Variants in FRMD6 observed in about 807,000 individuals in gnomAD.
The protein encoded by FRMD6 is FERM domain containing 6, also known as FERM domain-containing protein 6.
A neutral mutation model predicts 73.2 loss-of-function variants in FRMD6; 37 were observed. The ratio of observed to expected loss-of-function variants is 0.51; its 90% CI spans 0.39 to 0.66. The LOEUF is 0.66. FRMD6 is among the 30% of genes least tolerant of loss of function. FRMD6 has a pLI of 0.00. For synonymous variants in FRMD6, 273 were observed against 282.2 expected (o/e 0.97, Z 0.33); for missense variants, 714 against 780.5 (o/e 0.91, Z 1.02).
intron 2 of FRMD6, among the ~76,000 whole-genome samples, chr14:51,605,318 G>A (rs1890211854): frequency 6.6e-6 from 1 of 151,934 alleles, no homozygotes; most frequent in Admixed American, 6.6e-5. Flanking sequence ...GGGTACTTGA[G>A]ATTAGGGAGT....
chr14:51,436,404 G>A, the FRMD6 span: 10 of 470,222 alleles, frequency 2.1e-5, no homozygotes, highest in African/African-American at 1.0e-4. Flanking sequence ...GACCAGAGTC[G>A]AAGTGATGGA....
Position 51,708,130 on chromosome 14 carries a change from A to G in FRMD6, c.611A>G (p.His204Arg). The change falls in exon 7 of 14, where the codon CAC (histidine) becomes CGC (arginine). Residue 204 changes from histidine to arginine, a missense_variant. Coordinates refer to ENST00000344768, the MANE Select transcript of FRMD6 (RefSeq NM_001267046.2). ...DYILKHIPNM[H>R]KDQFALTASE... ...ATCCTGAAGCACATTCCAAACATGC[A>G]CAAAGATCAGTTTGCACTAACAGCT... 2 of 1,613,384 alleles carry G rather than the reference A, an allele frequency of 1.2e-6. No individual in the cohort carries two copies. Among genetic ancestry groups the G allele is most frequent in the Non-Finnish European group, 1.7e-6 (2 of 1,179,504 alleles).
At chr14:51,567,530 G>A (rs1448365918) in intron 1 of FRMD6, among the ~76,000 whole-genome samples, 2 of 152,184 alleles carry the variant, frequency 1.3e-5, no homozygotes, top group Non-Finnish European at 2.9e-5. Context: ...TGTAGAGACA[G>A]TATCTTGCTA....
At chr14:51,689,668 T>C (rs1386916964) in intron 1 of FRMD6, 23 bp from the exon 2 acceptor site, 7 of 611,998 alleles carry the variant, frequency 1.1e-5, no homozygotes, top group African/African-American at 1.9e-5. Flanking sequence ...TCTTCAGGAG[T>C]CTCCCCTTTG....
chr14:51,702,352 A>G (rs943541195), intron 4 of FRMD6, among the ~76,000 whole-genome samples, 160 bp from the exon 5 acceptor site: 3 of 152,010 alleles, frequency 2.0e-5, no homozygotes, highest in Admixed American at 6.6e-5. Flanking sequence ...TCTATATAGG[A>G]CAACTGTCTA....
At chr14:51,504,960 T>C (rs147451746) in intron 1 of FRMD6, among the ~76,000 whole-genome samples, 40 of 152,322 alleles carry the variant, frequency 2.6e-4, no homozygotes, top group African/African-American at 8.9e-4. Context: ...CATGCTCCTA[T>C]TCCTTCTCAG....
the FRMD6 span, among the ~76,000 whole-genome samples, chr14:51,465,802 T>A: frequency 5.3e-5 from 8 of 152,248 alleles, no homozygotes; most frequent in East Asian, 1.5e-3. Context: ...TTTTTTTTTT[T>A]ATTGGCAAAT....
intron 1 of FRMD6, among the ~76,000 whole-genome samples, chr14:51,569,278 T>C (rs1262385159): frequency 6.6e-6 from 1 of 152,064 alleles, no homozygotes; most frequent in African/African-American, 2.4e-5. Context: ...AAGAAATAAA[T>C]TGTCAAATAA....
intron 2 of FRMD6, among the ~76,000 whole-genome samples, chr14:51,584,740 T>A (rs1266342580): frequency 2.0e-5 from 3 of 152,214 alleles, no homozygotes; most frequent in African/African-American, 7.2e-5. Context: ...CTTTTCTTAG[T>A]TTCTTTCGCT....
chr14:51,662,144 T>G (rs941611036), intron 1 of FRMD6, among the ~76,000 whole-genome samples: 2 of 152,230 alleles, frequency 1.3e-5, no homozygotes, highest in Non-Finnish European at 2.9e-5. Flanking sequence ...TTAAAGACTT[T>G]TTCATTTCTA....
chr14:51,588,077 T>A (rs1889158345), intron 2 of FRMD6, among the ~76,000 whole-genome samples: 1 of 152,098 alleles, frequency 6.6e-6, no homozygotes, highest in Non-Finnish European at 1.5e-5. Context: ...TATTCTCTCT[T>A]GTAATTTTTT....
At chr14:51,705,069 T>G in intron 6 of FRMD6, 134 bp downstream of exon 6, 1 of 720,576 alleles carries the variant, frequency 1.4e-6, no homozygotes, top group Non-Finnish European at 2.2e-6. Context: ...CCCAGATATT[T>G]AATGCTTAAG....
In FRMD6 at chr14:51,711,528, C is replaced by T. The variant is rs896476444; in HGVS notation, c.715-3C>T. 2 of 1,584,596 alleles carry T rather than the reference C, an allele frequency of 1.3e-6. No homozygotes were observed. Among genetic ancestry groups the T allele is most frequent in the South Asian group, 1.1e-5 (1 of 88,852 alleles). ...AATTTTTTATAAAATCCTATTCCTA[C>T]AGGATAAAAGGGAAATTGAAGCATC... On this transcript the variant is annotated splice_polypyrimidine_tract_variant and splice_region_variant and intron_variant, in intron 7 of 13. Coordinates refer to ENST00000344768, the MANE Select transcript of FRMD6 (RefSeq NM_001267046.2).
chr14:51,691,143 C>T (rs931686971), intron 2 of FRMD6, among the ~76,000 whole-genome samples: 7 of 152,146 alleles, frequency 4.6e-5, no homozygotes, highest in African/African-American at 1.7e-4. Context: ...TTCTTTTACT[C>T]AACATTTGTC....
chr14:51,413,555 A>G, the FRMD6 span, among the ~76,000 whole-genome samples: 113 of 152,264 alleles, frequency 7.4e-4, 1 homozygote, highest in African/African-American at 2.5e-3. Flanking sequence ...AATCCAGTCT[A>G]TCATTGATGG....
intron 4 of FRMD6, 67 bp from the exon 5 acceptor site, chr14:51,702,445 T>A (rs998191940): frequency 1.0e-5 from 13 of 1,259,410 alleles, no homozygotes; most frequent in Non-Finnish European, 1.5e-5. Flanking sequence ...GTATTTTGGT[T>A]GCTTTTGAAA....
At chr14:51,573,326 A>C (rs1402291787) in intron 2 of FRMD6, among the ~76,000 whole-genome samples, 1 of 152,162 alleles carries the variant, frequency 6.6e-6, no homozygotes, top group African/African-American at 2.4e-5. Flanking sequence ...TGGAATTCTG[A>C]GGAGACCACT....
intron 1 of FRMD6, chr14:51,546,709 A>G (rs1204101588): frequency 6.6e-6 from 1 of 152,034 alleles, no homozygotes; most frequent in Admixed American, 6.6e-5. Context: ...GTTGATGGCA[A>G]CTCATGTATA....
At chr14:51,436,794 G>A in the FRMD6 span, 2 of 535,776 alleles carry the variant, frequency 3.7e-6, no homozygotes, top group Non-Finnish European at 6.8e-6. Context: ...GATGAAGAAG[G>A]AGAAGGAGAA....
Sources: gnomAD v4.1 joint callset for allele counts (sites outside exome capture counted in the v4.1 genomes callset) on GRCh38, gnomAD v4.1.1 for gene constraint, MANE v1.5 for transcripts, NCBI Gene and HGNC (gene_info 2026-07-23, HGNC 2026-07-21) for gene names.